The following PDE10A variants were observed in gnomAD, a reference collection of about 807,000 sequenced individuals.
The protein encoded by PDE10A is phosphodiesterase 10A.
Under a neutral mutation model 97.7 loss-of-function variants are expected in PDE10A, and 39 were observed. The ratio of observed to expected loss-of-function variants is 0.40; its 90% CI spans 0.31 to 0.52. PDE10A has a LOEUF of 0.52. Among genes scored for constraint, PDE10A ranks in the 20% least tolerant of loss-of-function variants. PDE10A has a pLI of 0.56. For missense variants in PDE10A, 731 were observed against 1,047.8 expected, an observed-to-expected ratio of 0.70 and a Z score of 4.17; for synonymous variants, 371 against 376.8, an observed-to-expected ratio of 0.98 and a Z score of 0.18.
At chr6:165,374,690 T>C (rs1201354689) in intron 18 of PDE10A, among the ~76,000 whole-genome samples, 1 of 152,034 alleles carries the variant, frequency 6.6e-6, no homozygotes, top group African/African-American at 2.4e-5. Context: ...CGGCAATATA[T>C]GTTCCAGGCA....
chr6:165,868,322 C>T (rs990848024), intron 1 of PDE10A, among the ~76,000 whole-genome samples: 2 of 151,714 alleles, frequency 1.3e-5, no homozygotes, highest in African/African-American at 4.8e-5. Context: ...AAATCAGGAA[C>T]AAAAAAGACC....
intron 2 of PDE10A, among the ~76,000 whole-genome samples, chr6:165,514,646 G>T (rs1038924368): frequency 1.3e-5 from 2 of 152,154 alleles, no homozygotes; most frequent in African/African-American, 4.8e-5. Flanking sequence ...CTAGGTGCTG[G>T]CCCCCGAAAT....
intron 1 of PDE10A, among the ~76,000 whole-genome samples, chr6:165,731,760 A>G (rs1792442875): frequency 6.6e-6 from 1 of 152,170 alleles, no homozygotes; most frequent in South Asian, 2.1e-4. Flanking sequence ...GTGCTCCAGA[A>G]GAGTTAGTGA....
chr6:165,438,531 G>GT (rs1397526447), intron 5 of PDE10A, among the ~76,000 whole-genome samples: 17 of 152,134 alleles, frequency 1.1e-4, no homozygotes, highest in African/African-American at 3.9e-4. Flanking sequence ...TCCCAATTCT[G>GT]TATCTTTAGG....
In PDE10A at chr6:165,483,911, C is replaced by A. The variant is rs1179963567; in HGVS notation, c.995-1568G>T. ...TCAAACTTGAGTGTGCATAAGATAG[C>A]CTGTGACATGTGTTTATAAAATCAA... On this transcript the variant is annotated intron_variant, in intron 2 of 21. Transcript: ENST00000539869. Among the ~76,000 whole-genome samples the A allele has an allele frequency of 4.6e-5, 7 of 152,160 alleles. No homozygotes were observed. In the East Asian group the frequency reaches 1.3e-3, roughly 29 times the overall value.
At chr6:165,494,422 T>C (rs1780403016) in intron 2 of PDE10A, among the ~76,000 whole-genome samples, 1 of 145,880 alleles carries the variant, frequency 6.9e-6, no homozygotes, top group Admixed American at 6.9e-5. Flanking sequence ...CCAGCCCAAA[T>C]GTCCATCAAT....
intron 1 of PDE10A, among the ~76,000 whole-genome samples, chr6:165,919,517 T>C (rs558092093): frequency 2.6e-5 from 4 of 152,364 alleles, no homozygotes; most frequent in African/African-American, 9.6e-5. Context: ...GGCTGAGTAG[T>C]GAAACATTTA....
chr6:165,838,572 C>A (rs963550043), intron 1 of PDE10A, among the ~76,000 whole-genome samples: 3 of 152,156 alleles, frequency 2.0e-5, no homozygotes, highest in Non-Finnish European at 4.4e-5. Context: ...CCCCATTTCT[C>A]CTCCCCCAGC....
chr6:165,769,056 A>G (rs1777937850), intron 1 of PDE10A, among the ~76,000 whole-genome samples: 1 of 152,352 alleles, frequency 6.6e-6, no homozygotes, highest in Admixed American at 6.5e-5. Context: ...TACACTTTAC[A>G]AAGTGTATCA....
intron 18 of PDE10A, among the ~76,000 whole-genome samples, chr6:165,345,829 A>G (rs1782267908): frequency 6.6e-6 from 1 of 152,246 alleles, no homozygotes; most frequent in African/African-American, 2.4e-5. Flanking sequence ...CAAGGCAGAC[A>G]GTCAACAGGT....
chr6:165,737,381 A>G (rs1792603252), intron 1 of PDE10A, among the ~76,000 whole-genome samples: 1 of 152,246 alleles, frequency 6.6e-6, no homozygotes, highest in African/African-American at 2.4e-5. Flanking sequence ...CATATGTGCA[A>G]AAATCCTTGA....
chr6:165,581,815 G>C (rs1036803189), intron 1 of PDE10A, among the ~76,000 whole-genome samples: 4 of 152,158 alleles, frequency 2.6e-5, no homozygotes, highest in Non-Finnish European at 5.9e-5. Flanking sequence ...GCCCTAAACT[G>C]ATCTCATATT....
intron 13 of PDE10A, among the ~76,000 whole-genome samples, chr6:165,401,641 A>C (rs985202753): frequency 1.3e-5 from 2 of 152,100 alleles, no homozygotes; most frequent in African/African-American, 4.8e-5. Context: ...AATCTTCCTT[A>C]GTAAAGTTGA....
At chr6:165,980,332 G>A (rs1784976232) in intron 1 of PDE10A, among the ~76,000 whole-genome samples, 1 of 152,200 alleles carries the variant, frequency 6.6e-6, no homozygotes, top group Admixed American at 6.5e-5. Context: ...TCCATATCTA[G>A]GAATTTACCA....
intron 1 of PDE10A, among the ~76,000 whole-genome samples, chr6:165,872,651 GT>G (rs58957289): frequency 0.32 from 31,727 of 99,690 alleles, 3,520 homozygotes; most frequent in Admixed American, 0.35. Flanking sequence ...GGGGAGCTGT[GT>G]TTTTTTTGTT....
Position 165,329,815 on chromosome 6 carries a change from G to C in PDE10A, c.*3210C>G, listed in dbSNP as rs1781241560. 1 of 152,170 alleles carries C rather than the reference G, an allele frequency of 6.6e-6. No homozygotes were observed. Among genetic ancestry groups the C allele is most frequent in the Admixed American group, 6.5e-5 (1 of 15,276 alleles). 9.4% of individuals were successfully genotyped at this position (152,170 alleles called of 1,614,324 possible). A position where few individuals can be genotyped will look rare whatever the true frequency, so the allele number is the denominator to read the frequency against. Reference sequence around the variant, plus strand: ...ATCTGTACCTTCCTTTTCCATTGAAGAGTCAGGAATGGGAACGATTGTGTC... The same window carrying C: ...ATCTGTACCTTCCTTTTCCATTGAACAGTCAGGAATGGGAACGATTGTGTC... On this transcript the variant is annotated 3_prime_UTR_variant, in exon 22 of 22. Coordinates refer to ENST00000539869, the MANE Select transcript of PDE10A (RefSeq NM_001385079.1).
At chr6:165,725,703 C>T (rs1457715204) in intron 1 of PDE10A, among the ~76,000 whole-genome samples, 1 of 152,182 alleles carries the variant, frequency 6.6e-6, no homozygotes, top group East Asian at 1.9e-4. Context: ...TCAACCATTT[C>T]TACTTATTCC....
intron 1 of PDE10A, among the ~76,000 whole-genome samples, chr6:165,964,607 C>G (rs1012494183): frequency 1.7e-4 from 26 of 152,302 alleles, no homozygotes; most frequent in Middle Eastern, 3.4e-3. Flanking sequence ...GGAATGCTCC[C>G]TATGTGCCAG....
chr6:165,547,087 C>A (rs1783776381), intron 1 of PDE10A, among the ~76,000 whole-genome samples: 1 of 152,034 alleles, frequency 6.6e-6, no homozygotes, highest in African/African-American at 2.4e-5. Flanking sequence ...AAATTTGCTA[C>A]CAGTAAATCG....
Sources: allele counts gnomAD v4.1 joint callset (sites outside exome capture counted in the v4.1 genomes callset), GRCh38; gene constraint gnomAD v4.1.1; transcripts MANE v1.5; gene names NCBI Gene and HGNC (gene_info 2026-07-23, HGNC 2026-07-21).